Variants in SNX6 observed in about 807,000 individuals in gnomAD.
The protein encoded by SNX6 is sorting nexin-6.
A neutral mutation model predicts 63.0 loss-of-function variants in SNX6; 34 were observed. That is an observed-to-expected ratio of 0.54 (90% confidence interval 0.41 to 0.72). The LOEUF (loss-of-function observed/expected upper bound fraction) is 0.72, where lower values mean the gene tolerates loss of function less well. Ranked by LOEUF, SNX6 falls within the 30% of genes least tolerant of loss-of-function variation. The probability of loss-of-function intolerance (pLI) is 0.00; values close to 1 mark genes in which losing one functional copy is unlikely to be tolerated. For missense variants in SNX6, 398 were observed against 471.4 expected, an observed-to-expected ratio of 0.84 and a Z score of 1.44; for synonymous variants, 170 against 164.2, an observed-to-expected ratio of 1.04 and a Z score of -0.27.
At chr14:34,606,028 G>C (rs1883002142) in intron 4 of SNX6, among the ~76,000 whole-genome samples, 1 of 151,650 alleles carries the variant, frequency 6.6e-6, no homozygotes, top group African/African-American at 2.4e-5. Flanking sequence ...ACAAAAATTA[G>C]CTGGCCCTGG....
chr14:34,566,173 C>CA (rs1881174525), intron 13 of SNX6, among the ~76,000 whole-genome samples: 1 of 152,176 alleles, frequency 6.6e-6, no homozygotes, highest in African/African-American at 2.4e-5. Context: ...TCAAACTTAT[C>CA]AAAACATTTT....
chr14:34,609,771 A>C, intron 2 of SNX6, 29 bp from the exon 3 acceptor site: 1 of 1,405,082 alleles, frequency 7.1e-7, no homozygotes. Flanking sequence ...TATCTTCATG[A>C]AAATCATGTT....
At chr14:34,578,715 C>T (rs1481067563) in intron 10 of SNX6, among the ~76,000 whole-genome samples, 7 of 148,878 alleles carry the variant, frequency 4.7e-5, no homozygotes, top group Non-Finnish European at 8.9e-5. Flanking sequence ...CCAAGGTGAG[C>T]GGATCACGAG....
At chr14:34,564,014 C>T (rs1881054407) in intron 13 of SNX6, among the ~76,000 whole-genome samples, 2 of 152,090 alleles carry the variant, frequency 1.3e-5, no homozygotes, top group African/African-American at 2.4e-5. Context: ...GCTGTGATTA[C>T]AGGCGTGAGC....
Position 34,609,643 on chromosome 14 carries a change from T to C in SNX6, c.154A>G (p.Thr52Ala), listed in dbSNP as rs1440510864. 9.4e-6 allele frequency: 15 copies of C among 1,593,650 alleles called. No homozygotes were observed. Among genetic ancestry groups the C allele is most frequent in the Non-Finnish European group, 1.1e-5 (13 of 1,162,694 alleles). The change falls in exon 3 of 14, where the codon ACA becomes GCA. Residue 52 changes from threonine (T) to alanine (A), a missense_variant. Coordinates refer to ENST00000362031, the MANE Select transcript of SNX6 (RefSeq NM_152233.4). ...ERDKVKFTVH[T>A]KSSLPNFKQN... ...AAGTACAAAATCACATTTACCTTTG[T>C]GTGAACAGTGAATTTTACTTTATCC...
At chr14:34,580,849 C>T (rs1306872728) in intron 10 of SNX6, among the ~76,000 whole-genome samples, 2 of 151,742 alleles carry the variant, frequency 1.3e-5, no homozygotes, top group Non-Finnish European at 2.9e-5. Flanking sequence ...GAGGCAGCGT[C>T]TTGCTATGTT....
intron 2 of SNX6, among the ~76,000 whole-genome samples, chr14:34,628,648 T>C (rs902956800): frequency 6.6e-6 from 1 of 152,044 alleles, no homozygotes; most frequent in Non-Finnish European, 1.5e-5. Flanking sequence ...AATAAATAAA[T>C]AAAAGTTTTA....
intron 13 of SNX6, among the ~76,000 whole-genome samples, 177 bp downstream of exon 13, chr14:34,567,509 A>G (rs947479743): frequency 6.6e-6 from 1 of 152,110 alleles, no homozygotes; most frequent in Non-Finnish European, 1.5e-5. Context: ...ACAAAACAAA[A>G]AACCCAGACC....
At chr14:34,596,402 C>T (rs573067256) in intron 7 of SNX6, among the ~76,000 whole-genome samples, 1 of 151,514 alleles carries the variant, frequency 6.6e-6, no homozygotes, top group Non-Finnish European at 1.5e-5. Flanking sequence ...AGACAGATCA[C>T]GAGGTCAAGA....
At chr14:34,568,646 T>TC in intron 11 of SNX6, 1 of 781,846 alleles carries the variant, frequency 1.3e-6, no homozygotes. Flanking sequence ...TTTTTTTTTT[T>TC]TTTTAACGAA....
intron 11 of SNX6, among the ~76,000 whole-genome samples, chr14:34,575,130 G>A (rs1463365774): frequency 2.0e-5 from 3 of 149,904 alleles, no homozygotes; most frequent in African/African-American, 7.4e-5. Context: ...GATCTCAGGT[G>A]ATCCACCACC....
intron 7 of SNX6, among the ~76,000 whole-genome samples, chr14:34,595,939 G>A (rs1182949369): frequency 1.3e-5 from 2 of 152,054 alleles, no homozygotes; most frequent in African/African-American, 4.8e-5. Flanking sequence ...GGTGTTTTCG[G>A]CCGGGCGCGG....
chr14:34,588,254 G>T (rs1271016952), intron 8 of SNX6, among the ~76,000 whole-genome samples: 1 of 152,060 alleles, frequency 6.6e-6, no homozygotes, highest in East Asian at 1.9e-4. Flanking sequence ...TGATCGGCCC[G>T]CCTTAGCTTC....
At chr14:34,609,049 T>A (rs575721084) in intron 3 of SNX6, among the ~76,000 whole-genome samples, 5 of 150,872 alleles carry the variant, frequency 3.3e-5, no homozygotes, top group African/African-American at 1.2e-4. Context: ...TAATAATAAT[T>A]ATTTGTAAGA....
rs368017158 is a variant in SNX6 at position 34,562,395 on chromosome 14, C to T, written c.*727G>A. 3 of 152,484 alleles carry T rather than the reference C, an allele frequency of 2.0e-5. No individual in the cohort carries two copies. The East Asian group carries it at 5.8e-4, about 29-fold the overall frequency. The allele number at this position is 152,484 out of a possible 1,614,324, so 9.4% of individuals were successfully genotyped here. A position where few individuals can be genotyped will look rare whatever the true frequency, so the allele number is the denominator to read the frequency against. On this transcript the variant is annotated 3_prime_UTR_variant, in exon 14 of 14. Coordinates refer to ENST00000362031, the MANE Select transcript of SNX6 (RefSeq NM_152233.4). ...AATGAGAAAAAAGAAAAACTAAGAC[C>T]TGCACTGTAAAGCATAATACAGGAG...
chr14:34,567,469 T>G (rs552776918), intron 13 of SNX6, among the ~76,000 whole-genome samples: 1 of 151,958 alleles, frequency 6.6e-6, no homozygotes, highest in African/African-American at 2.4e-5. Context: ...GCCTGGGCAA[T>G]AGCGCCAGAC....
intron 9 of SNX6, among the ~76,000 whole-genome samples, chr14:34,583,552 G>C (rs1240371104): frequency 6.6e-6 from 1 of 151,322 alleles, no homozygotes; most frequent in Non-Finnish European, 1.5e-5. Context: ...AGGAGTTCAA[G>C]GCTGCAGTGC....
chr14:34,589,304 A>C (rs925480786), intron 8 of SNX6, among the ~76,000 whole-genome samples: 2 of 151,620 alleles, frequency 1.3e-5, no homozygotes, highest in African/African-American at 4.8e-5. Flanking sequence ...AAAATACAAA[A>C]ATTAGCCAGG....
chr14:34,625,630 G>C (rs948743420), intron 2 of SNX6, among the ~76,000 whole-genome samples: 1 of 152,140 alleles, frequency 6.6e-6, no homozygotes, highest in Admixed American at 6.6e-5. Context: ...AGCTACTCAG[G>C]AGGCTGAGAC....
Sources: allele counts gnomAD v4.1 joint callset (sites outside exome capture counted in the v4.1 genomes callset), GRCh38; gene constraint gnomAD v4.1.1; transcripts MANE v1.5; gene names NCBI Gene and HGNC (gene_info 2026-07-23, HGNC 2026-07-21).